SLC30A6: variants seen among roughly 807,000 people sequenced by gnomAD.
SLC30A6 encodes zinc transporter 6.
In SLC30A6, 55 loss-of-function variants were observed where a neutral mutation model predicts 63.0. The observed-to-expected ratio is 0.87, with a 90% CI of 0.70 to 1.09. The LOEUF is 1.09. Ranked by LOEUF, SLC30A6 falls within the 50% of genes least tolerant of loss-of-function variation. SLC30A6 has a pLI of 0.00. For missense variants in SLC30A6, 587 were observed against 549.2 expected (o/e 1.07, Z -0.69); for synonymous variants, 224 against 186.1 (o/e 1.20, Z -1.66).
intron 2 of SLC30A6, among the ~76,000 whole-genome samples, chr2:32,171,785 C>G (rs1052799032): frequency 2.0e-5 from 3 of 151,890 alleles, no homozygotes; most frequent in Non-Finnish European, 4.4e-5. Flanking sequence ...CTCTGCCTCC[C>G]GGGTTCAAGC....
At chr2:32,203,605 T>G in intron 10 of SLC30A6, 5 of 1,592,160 alleles carry the variant, frequency 3.1e-6, no homozygotes, top group Non-Finnish European at 4.3e-6. Flanking sequence ...GGATGTCAGC[T>G]GTGCTTGGAA....
chr2:32,182,065 C>T (rs1056482610), intron 4 of SLC30A6, among the ~76,000 whole-genome samples: 1 of 151,084 alleles, frequency 6.6e-6, no homozygotes, highest in Non-Finnish European at 1.5e-5. Flanking sequence ...TCTGGGGTAG[C>T]TGGGACTACA....
At chr2:32,194,885 C>G (rs564586559) in intron 8 of SLC30A6, among the ~76,000 whole-genome samples, 1 of 152,188 alleles carries the variant, frequency 6.6e-6, no homozygotes, top group East Asian at 1.9e-4. Flanking sequence ...AACACTTACT[C>G]TAGAAATTTT....
rs1201355129 is a variant in SLC30A6, at chr2:32,220,798, T to C, written c.*85T>C. The C allele has an allele frequency of 8.4e-7, 1 of 1,191,256 alleles. No individual in the cohort carries two copies. The allele number at this position is 1,191,256 out of a possible 1,614,324, so 73.8% of individuals were successfully genotyped here. On this transcript the variant is annotated 3_prime_UTR_variant, in exon 14 of 14. Transcript: ENST00000282587. ...ATCCAACTTTGCATTGACTGTTTAA[T>C]CATTTACTCTAAATGTTAGATAATA...
Position 32,171,364 on chromosome 2 carries a change from T to C in SLC30A6, c.81T>C (p.Ala27=), listed in dbSNP as rs1224023687. ...TACGGGAATTTAGACTTGTAGCAGCTGACCGAAGGGTAAGTTATTCCTTAA... is the reference window on the plus strand; with the variant it reads ...TACGGGAATTTAGACTTGTAGCAGCCGACCGAAGGGTAAGTTATTCCTTAA... ...KLLREFRLVA[A]DRRSWKILLF... Residue 27 remains alanine, a synonymous_variant, in exon 2 of 14, where the codon GCT becomes GCC. Transcript: ENST00000282587. 2 of 1,613,426 alleles carry C rather than the reference T, an allele frequency of 1.2e-6. No homozygotes were observed. The highest frequency in any genetic ancestry group is 1.7e-5 in the Admixed American group (1 of 59,996).
At chr2:32,219,993 A>G (rs1339648577) in intron 13 of SLC30A6, among the ~76,000 whole-genome samples, 2 of 152,108 alleles carry the variant, frequency 1.3e-5, no homozygotes, top group African/African-American at 2.4e-5. Context: ...TTGTTCCTAC[A>G]TGGATATTTC....
At chr2:32,182,976 C>T (rs1682469096) in intron 4 of SLC30A6, among the ~76,000 whole-genome samples, 1 of 152,050 alleles carries the variant, frequency 6.6e-6, no homozygotes, top group Non-Finnish European at 1.5e-5. Flanking sequence ...ATCACAAGGT[C>T]AGGAGTTCCT....
At chr2:32,173,933 T>C in intron 2 of SLC30A6, 130 bp from the exon 3 acceptor site, 1 of 582,130 alleles carries the variant, frequency 1.7e-6, no homozygotes, top group Non-Finnish European at 2.9e-6. Flanking sequence ...ATGTAGAAAG[T>C]GTGACACAGA....
chr2:32,188,688 A>G (rs561883011), intron 5 of SLC30A6, among the ~76,000 whole-genome samples: 1 of 149,702 alleles, frequency 6.7e-6, no homozygotes, highest in African/African-American at 2.5e-5. Context: ...AAAATAAAAA[A>G]TAAAAAGCAA....
intron 5 of SLC30A6, chr2:32,187,342 T>C (rs868517592): frequency 2.3e-6 from 1 of 431,760 alleles, no homozygotes; most frequent in Admixed American, 2.6e-5. Context: ...TTCTGGAAAA[T>C]AAATGCTGCC....
At chr2:32,191,614 G>C in intron 5 of SLC30A6, among the ~76,000 whole-genome samples, 1 of 152,180 alleles carries the variant, frequency 6.6e-6, no homozygotes, top group East Asian at 1.9e-4. Context: ...ATAATAAGTG[G>C]TTAAAATCTG....
At chr2:32,180,989 T>G (rs1682259881) in intron 4 of SLC30A6, among the ~76,000 whole-genome samples, 1 of 152,208 alleles carries the variant, frequency 6.6e-6, no homozygotes, top group Non-Finnish European at 1.5e-5. Context: ...TTAGATTCAT[T>G]TAGAGCTTCA....
intron 9 of SLC30A6, 65 bp downstream of exon 9, chr2:32,197,457 A>T: frequency 1.4e-6 from 2 of 1,467,120 alleles, no homozygotes; most frequent in Non-Finnish European, 1.9e-6. Context: ...TGCATCTATC[A>T]TGGGAACTTA....
chr2:32,185,048 A>G (rs556390472), intron 5 of SLC30A6, among the ~76,000 whole-genome samples: 1 of 152,324 alleles, frequency 6.6e-6, no homozygotes, highest in South Asian at 2.1e-4. Context: ...ATAGCAATAG[A>G]TCAACAAATA....
chr2:32,190,734 C>A (rs1190661037), intron 5 of SLC30A6, among the ~76,000 whole-genome samples: 1 of 152,138 alleles, frequency 6.6e-6, no homozygotes, highest in Non-Finnish European at 1.5e-5. Context: ...AAGCAATTCT[C>A]GTGCCTCAGC....
intron 4 of SLC30A6, among the ~76,000 whole-genome samples, chr2:32,179,795 C>G (rs1289593016): frequency 2.0e-5 from 3 of 151,882 alleles, no homozygotes; most frequent in African/African-American, 7.3e-5. Flanking sequence ...CTTGTATTTG[C>G]GTAAATATAC....
At position 32,220,665 on chromosome 2, in the gene SLC30A6, AC is replaced by A; in HGVS notation, c.1340del (p.Pro447GlnfsTer19). 6.2e-7 allele frequency: 1 copy of A among 1,614,030 alleles called. No individual in the cohort carries two copies. The part of the protein sequence containing the change: ...QGLRTGFTNI[P>X]SRYGTNNRIG... ...GATTGAGGACTGGTTTTACAAATAT[AC>A]CAAGTAGATATGGAACTAATAATAG... is the stretch of plus-strand genomic sequence containing the variant. On this transcript the variant is annotated frameshift_variant, in exon 14 of 14. Coordinates refer to ENST00000282587, the MANE Select transcript of SLC30A6 (RefSeq NM_017964.5). LOFTEE classifies it high-confidence loss of function.
intron 13 of SLC30A6, chr2:32,214,524 T>G (rs1685536285): frequency 6.6e-6 from 1 of 152,190 alleles, no homozygotes; most frequent in Non-Finnish European, 1.5e-5. Flanking sequence ...CTTCTCTGTA[T>G]CGTTCCAATT....
chr2:32,192,128 A>G (rs1461992372), intron 5 of SLC30A6, among the ~76,000 whole-genome samples: 1 of 151,760 alleles, frequency 6.6e-6, no homozygotes, highest in African/African-American at 2.4e-5. Context: ...AGTCCTAGGA[A>G]TTGTACAAAT....
Sources: allele counts gnomAD v4.1 joint callset (sites outside exome capture counted in the v4.1 genomes callset), GRCh38; gene constraint gnomAD v4.1.1; transcripts MANE v1.5; gene names NCBI Gene and HGNC (gene_info 2026-07-23, HGNC 2026-07-21).